NKAIN4: variants seen among roughly 807,000 people sequenced by gnomAD.
NKAIN4 encodes the protein sodium/potassium-transporting ATPase subunit beta-1-interacting protein 4.
Under a neutral mutation model 28.8 loss-of-function variants are expected in NKAIN4, and 28 were observed. The observed-to-expected ratio is 0.97, with a 90% CI of 0.72 to 1.33. The LOEUF (loss-of-function observed/expected upper bound fraction) is 1.33. Among genes scored for constraint, NKAIN4 ranks in the 40% most tolerant of loss-of-function variants. The pLI, the probability that NKAIN4 is intolerant of heterozygous loss-of-function variation, is 0.00. For missense variants in NKAIN4, 289 were observed against 277.2 expected, an observed-to-expected ratio of 1.04 and a Z score of -0.30; for synonymous variants, 122 against 115.6, an observed-to-expected ratio of 1.06 and a Z score of -0.36.
At chr20:63,254,081 C>T in intron 1 of NKAIN4, 1 of 381,510 alleles carries the variant, frequency 2.6e-6, no homozygotes, top group Non-Finnish European at 5.0e-6. Flanking sequence ...GCGATGGGGT[C>T]CAGGCGGCCC....
At chr20:63,246,748 G>C (rs1428978761) in intron 4 of NKAIN4, 1 of 973,960 alleles carries the variant, frequency 1.0e-6, no homozygotes, top group Non-Finnish European at 1.2e-6. Flanking sequence ...CCTGCCCCCG[G>C]AGCTCTTGAG....
chr20:63,242,269 C>A (rs1285427951), intron 6 of NKAIN4, among the ~76,000 whole-genome samples: 1 of 152,102 alleles, frequency 6.6e-6, no homozygotes, highest in Non-Finnish European at 1.5e-5. Context: ...TCAGAGCCGA[C>A]TCCTGGACCC....
chr20:63,241,186 G>A lies in NKAIN4; in HGVS notation c.*311C>T, dbSNP rs1300600568. The A allele has an allele frequency of 3.4e-5, 13 of 376,994 alleles. No individual in the cohort carries two copies. The highest frequency in any genetic ancestry group is 6.3e-5 in the Non-Finnish European group (13 of 206,606). The allele number at this position is 376,994 out of a possible 1,614,324, so 23.4% of individuals were successfully genotyped here. ...GCTCCTCGACGAGACGACAGCCTGG[G>A]GGCAGAGCTGTGACCCCCATGTTGC... is the stretch of plus-strand genomic sequence containing the variant. On this transcript the variant is annotated 3_prime_UTR_variant, in exon 7 of 7. Transcript: ENST00000370316.
In NKAIN4 at chr20:63,252,933, C is replaced by T. The variant is rs1222167454; in HGVS notation, c.54+1464G>A. On this transcript the variant is annotated intron_variant, in intron 1 of 6. Transcript: ENST00000370316. The surrounding 1 kb of genome is among the most constrained non-coding windows in gnomAD (Gnocchi z 4.6). ...GAAGCACCCATTTCTCCTGCCCAAA[C>T]CCCAGCACCATCAACCCCAGCACAT... Among the ~76,000 whole-genome samples the T allele has an allele frequency of 6.6e-6, 1 of 152,172 alleles. No homozygotes were observed. Among genetic ancestry groups the T allele is most frequent in the African/African-American group, 2.4e-5 (1 of 41,432 alleles).
At chr20:63,248,982 T>A in intron 2 of NKAIN4, 87 bp from the exon 3 acceptor site, 1 of 895,234 alleles carries the variant, frequency 1.1e-6, no homozygotes, top group Non-Finnish European at 1.8e-6. Context: ...AGGGGTCCCA[T>A]GATCGCATAG....
rs1330821238 is a variant in NKAIN4, at chr20:63,252,453, C to T, written c.54+1944G>A. ...CTGTAGCTTGGTAACACAAAATTCT[C>T]ACACTTGTCAAAAAAAAAAAGGGGC... is the stretch of plus-strand genomic sequence containing the variant. On this transcript the variant is annotated intron_variant, in intron 1 of 6. Coordinates refer to ENST00000370316, the MANE Select transcript of NKAIN4 (RefSeq NM_152864.4). The surrounding 1 kb of genome is among the most constrained non-coding windows in gnomAD (Gnocchi z 4.6). Among the ~76,000 whole-genome samples, 2 of 151,438 alleles carry T rather than the reference C, an allele frequency of 1.3e-5. No individual in the cohort carries two copies. The highest frequency in any genetic ancestry group is 3.0e-5 in the Non-Finnish European group (2 of 67,756).
chr20:63,244,433 G>A (rs1228700980), intron 4 of NKAIN4: 1 of 498,156 alleles, frequency 2.0e-6, no homozygotes, highest in South Asian at 1.5e-5. Context: ...CCCCAGGCCA[G>A]CACAGTCCCA....
In NKAIN4 at chr20:63,247,020, G is replaced by T. The variant is rs972183436; in HGVS notation, c.471+558C>A. On this transcript the variant is annotated intron_variant, in intron 4 of 6. Coordinates refer to ENST00000370316, the MANE Select transcript of NKAIN4 (RefSeq NM_152864.4). Reference sequence around the variant, plus strand: ...TCCCGTTCCCGCACAAGCAACAGCTGCTCCTCAGCGCCACCCGGGGCCACA... The same window carrying T: ...TCCCGTTCCCGCACAAGCAACAGCTTCTCCTCAGCGCCACCCGGGGCCACA... 13 of 1,003,050 alleles carry T rather than the reference G, an allele frequency of 1.3e-5. No individual in the cohort carries two copies. In the African/African-American group the frequency reaches 2.3e-4, roughly 17 times the overall value. The allele number at this position is 1,003,050 out of a possible 1,614,324, so 62.1% of individuals were successfully genotyped here.
chr20:63,241,521 T>C lies in NKAIN4; in HGVS notation c.618-15A>G, dbSNP rs1309003358. 4 of 1,549,284 alleles carry C rather than the reference T, an allele frequency of 2.6e-6. No individual in the cohort carries two copies. Among genetic ancestry groups the C allele is most frequent in the Non-Finnish European group, 3.5e-6 (4 of 1,146,426 alleles). On this transcript the variant is annotated splice_polypyrimidine_tract_variant and intron_variant, in intron 6 of 6. Coordinates refer to ENST00000370316, the MANE Select transcript of NKAIN4 (RefSeq NM_152864.4). The stretch of plus-strand genomic sequence containing the variant: ...CTTACGCAGGCCTGTGGGGACAAGG[T>C]CAGAGAGCACCTGGGGGAACAGGGC...
At chr20:63,251,864 C>T (rs980410005) in intron 1 of NKAIN4, among the ~76,000 whole-genome samples, 15 of 152,192 alleles carry the variant, frequency 9.9e-5, no homozygotes, top group Admixed American at 5.2e-4. Context: ...TAGCCGCCCA[C>T]GAAACTCTTA....
rs776417374 is a variant in NKAIN4 at position 63,244,079 on chromosome 20, C to T, written c.477G>A (p.Leu159=). Residue 159 remains leucine (L), a synonymous_variant, in exon 5 of 7, where the codon CTG becomes CTA. Coordinates refer to ENST00000370316, the MANE Select transcript of NKAIN4 (RefSeq NM_152864.4). ...HSCLQILIAL[L]GFVCGCQVVS... ...CCACCTGGCAGCCACAGACAAAGCC[C>T]AGAAGCTGAAAGACACCACAGGCAG... 1.8e-5 allele frequency: 29 copies of T among 1,613,474 alleles called. No individual in the cohort carries two copies. The highest frequency in any genetic ancestry group is 2.4e-5 in the Non-Finnish European group (28 of 1,179,794).
rs1213611802 is a variant in NKAIN4, at chr20:63,245,777, T to C, written c.472-1693A>G. Among the ~76,000 whole-genome samples the C allele has an allele frequency of 6.6e-6, 1 of 151,864 alleles. No homozygotes were observed. Among genetic ancestry groups the C allele is most frequent in the Non-Finnish European group, 1.5e-5 (1 of 67,996 alleles). The stretch of plus-strand genomic sequence containing the variant: ...AGCTGGCTGGAATTTAGAAACTACA[T>C]CCTATCAAAGAAATTCCCATCCCTG... On this transcript the variant is annotated intron_variant, in intron 4 of 6. Transcript: ENST00000370316. The surrounding 1 kb of genome is among the most constrained non-coding windows in gnomAD (Gnocchi z 4.7).
At chr20:63,242,948 G>C (rs542003724) in intron 5 of NKAIN4, among the ~76,000 whole-genome samples, 2 of 151,824 alleles carry the variant, frequency 1.3e-5, no homozygotes, top group East Asian at 3.9e-4. Flanking sequence ...ATGGCCTCGG[G>C]GGACAGTGGG....
At chr20:63,249,850 A>C in intron 2 of NKAIN4, 85 bp downstream of exon 2, 1 of 1,445,394 alleles carries the variant, frequency 6.9e-7, no homozygotes. Context: ...TGTCCAGGAA[A>C]ATATGCCAGG....
At chr20:63,248,979 C>A in intron 2 of NKAIN4, 84 bp from the exon 3 acceptor site, 1 of 921,256 alleles carries the variant, frequency 1.1e-6, no homozygotes, top group Non-Finnish European at 1.8e-6. Context: ...GGAAGGGGTC[C>A]CATGATCGCA....
In NKAIN4 at chr20:63,245,879, CAT is replaced by C. The variant is rs1477457440; in HGVS notation, c.471+1697_471+1698del. Among the ~76,000 whole-genome samples, 1 of 152,056 alleles carries C rather than the reference CAT, an allele frequency of 6.6e-6. No homozygotes were observed. Among genetic ancestry groups the C allele is most frequent in the Admixed American group, 6.5e-5 (1 of 15,274 alleles). On this transcript the variant is annotated intron_variant, in intron 4 of 6. Coordinates refer to ENST00000370316, the MANE Select transcript of NKAIN4 (RefSeq NM_152864.4). This position sits in a 1 kb window ranked among gnomAD's most constrained non-coding sequence, Gnocchi z 4.7. ...TGCCCACTCCTCCAGCCTCGGCTCC[CAT>C]AGCACGCCAGCCCCCTCCGAGAGAC... is the stretch of plus-strand genomic sequence containing the variant.
In NKAIN4 at chr20:63,245,304, G is replaced by A. The variant is rs1400937277; in HGVS notation, c.472-1220C>T. 6.6e-6 allele frequency among the ~76,000 whole-genome samples: 1 copy of A among 152,168 alleles called. No individual in the cohort carries two copies. The highest frequency in any genetic ancestry group is 1.5e-5 in the Non-Finnish European group (1 of 68,012). On this transcript the variant is annotated intron_variant, in intron 4 of 6. Transcript: ENST00000370316. The surrounding 1 kb of genome is among the most constrained non-coding windows in gnomAD (Gnocchi z 4.7). Reference sequence around the variant, plus strand: ...ACGGCCAGGGTGGGAGCAGCGGTGAGGGTGGGCAACCTCCACGGCTCGTCC... The same window carrying A: ...ACGGCCAGGGTGGGAGCAGCGGTGAAGGTGGGCAACCTCCACGGCTCGTCC...
chr20:63,248,593 A>C, intron 3 of NKAIN4: 2 of 517,956 alleles, frequency 3.9e-6, no homozygotes, highest in Non-Finnish European at 7.0e-6. Flanking sequence ...GCCAATACCC[A>C]CAGACGCCTT....
upstream of NKAIN4, chr20:63,254,618 C>T (rs1251865927): frequency 3.6e-5 from 17 of 468,354 alleles, no homozygotes; most frequent in African/African-American, 2.4e-4. Context: ...AGCTGCGCTG[C>T]GTCTCCCCTC....
Sources: allele counts gnomAD v4.1 joint callset (sites outside exome capture counted in the v4.1 genomes callset), GRCh38; gene constraint gnomAD v4.1.1; non-coding constraint Gnocchi (gnomAD v3.1); transcripts MANE v1.5; gene names NCBI Gene and HGNC (gene_info 2026-07-23, HGNC 2026-07-21).